NUBPL: variants seen among roughly 807,000 people sequenced by gnomAD.
The protein encoded by NUBPL is iron-sulfur cluster transfer protein NUBPL.
NUBPL carries 31 observed loss-of-function variants against 45.7 expected under a neutral mutation model. The observed-to-expected ratio is 0.68, with a 90% CI of 0.51 to 0.92. The LOEUF (loss-of-function observed/expected upper bound fraction) is 0.92, where lower values mean the gene tolerates loss of function less well. Ranked by LOEUF, NUBPL falls within the 40% of genes least tolerant of loss-of-function variation. The probability of loss-of-function intolerance (pLI) is 0.00; values close to 1 mark genes in which losing one functional copy is unlikely to be tolerated. For missense variants in NUBPL, 401 were observed against 398.7 expected, an observed-to-expected ratio of 1.01 and a Z score of -0.05; for synonymous variants, 144 against 140.9, an observed-to-expected ratio of 1.02 and a Z score of -0.15.
At chr14:31,563,917 T>C (rs981833896) in intron 2 of NUBPL, among the ~76,000 whole-genome samples, 1 of 152,250 alleles carries the variant, frequency 6.6e-6, no homozygotes, top group Non-Finnish European at 1.5e-5. Flanking sequence ...CGTTTAATCC[T>C]GATCACAGTT....
At chr14:31,574,768 A>G (rs1267674601) in intron 3 of NUBPL, among the ~76,000 whole-genome samples, 4 of 148,782 alleles carry the variant, frequency 2.7e-5, no homozygotes, top group Admixed American at 6.7e-5. Context: ...TTTTATTGAG[A>G]TGGGATTTCA....
chr14:31,792,785 G>T (rs2039406752), intron 7 of NUBPL, among the ~76,000 whole-genome samples: 1 of 152,164 alleles, frequency 6.6e-6, no homozygotes, highest in African/African-American at 2.4e-5. Context: ...GTGTCTATGT[G>T]TGTGTTAAAG....
intron 6 of NUBPL, 95 bp downstream of exon 6, chr14:31,673,669 T>C: frequency 9.2e-7 from 1 of 1,086,334 alleles, no homozygotes; most frequent in Non-Finnish European, 1.4e-6. Context: ...CATTCAGGAA[T>C]CAGTTGATGG....
chr14:31,716,132 C>G (rs2037683465), intron 6 of NUBPL, among the ~76,000 whole-genome samples: 1 of 152,160 alleles, frequency 6.6e-6, no homozygotes, highest in Non-Finnish European at 1.5e-5. Context: ...ACTGAAAGGT[C>G]TTCAGGGACA....
rs373778049 is a variant in NUBPL at position 31,846,454 on chromosome 14, G to T, written c.694-17G>T. 1 of 1,601,244 alleles carries T rather than the reference G, an allele frequency of 6.2e-7. No individual in the cohort carries two copies. The highest frequency in any genetic ancestry group is 8.5e-7 in the Non-Finnish European group (1 of 1,171,024). On this transcript the variant is annotated splice_polypyrimidine_tract_variant and intron_variant, in intron 8 of 10. Transcript: ENST00000281081. ...TTGGTTTAATTTTATTTTGATTTCA[G>T]TGTGTTTTTATTCTAGGTCCTTGGC...
intron 7 of NUBPL, among the ~76,000 whole-genome samples, chr14:31,806,778 C>A (rs952830800): frequency 1.3e-5 from 2 of 151,986 alleles, no homozygotes; most frequent in African/African-American, 2.4e-5. Flanking sequence ...CCCATCCCCC[C>A]ACACCACGAC....
intron 6 of NUBPL, among the ~76,000 whole-genome samples, chr14:31,787,476 C>T (rs762539122): frequency 3.3e-5 from 5 of 151,914 alleles, no homozygotes; most frequent in Non-Finnish European, 5.9e-5. Flanking sequence ...TGGGCTACAC[C>T]CAGTAAAAAT....
chr14:31,824,421 A>G (rs547043693), intron 7 of NUBPL, among the ~76,000 whole-genome samples: 7 of 152,322 alleles, frequency 4.6e-5, no homozygotes, highest in East Asian at 3.9e-4. Flanking sequence ...TTACTTAACT[A>G]GGTGTAAACA....
chr14:31,570,963 G>A (rs987674735), intron 3 of NUBPL, among the ~76,000 whole-genome samples: 2 of 152,198 alleles, frequency 1.3e-5, no homozygotes, highest in Non-Finnish European at 2.9e-5. Flanking sequence ...CAGAGTCATA[G>A]CTGGATGCTT....
intron 6 of NUBPL, among the ~76,000 whole-genome samples, chr14:31,709,580 G>A (rs2037525767): frequency 6.6e-6 from 1 of 152,216 alleles, no homozygotes. Flanking sequence ...AAAGGCCAGG[G>A]TTTGATCTAA....
At chr14:31,703,179 G>C (rs1008008143) in intron 6 of NUBPL, 17 of 152,288 alleles carry the variant, frequency 1.1e-4, no homozygotes, top group African/African-American at 4.1e-4. Context: ...ATTTGGAAGA[G>C]AGCCAAGTGA....
At chr14:31,687,268 A>G (rs2036975007) in intron 6 of NUBPL, among the ~76,000 whole-genome samples, 1 of 152,208 alleles carries the variant, frequency 6.6e-6, no homozygotes, top group Non-Finnish European at 1.5e-5. Context: ...ACTTGAAAAA[A>G]CTTGCAGATG....
intron 4 of NUBPL, among the ~76,000 whole-genome samples, chr14:31,664,175 C>T (rs2036346362): frequency 6.6e-6 from 1 of 152,068 alleles, no homozygotes; most frequent in Non-Finnish European, 1.5e-5. Context: ...ACAATCATGT[C>T]ATCTGCAGAG....
At chr14:31,570,772 TCC>T (rs1566419460) in intron 3 of NUBPL, among the ~76,000 whole-genome samples, 1 of 152,214 alleles carries the variant, frequency 6.6e-6, no homozygotes, top group African/African-American at 2.4e-5. Flanking sequence ...GCCTACTCTG[TCC>T]CAAGTGCTGT....
intron 6 of NUBPL, 59 bp downstream of exon 6, chr14:31,673,633 G>T: frequency 7.0e-7 from 1 of 1,424,510 alleles, no homozygotes; most frequent in Non-Finnish European, 9.9e-7. Context: ...TAATACATTT[G>T]CTGATTGGAG....
intron 7 of NUBPL, among the ~76,000 whole-genome samples, chr14:31,813,057 C>T (rs909862061): frequency 2.7e-5 from 4 of 147,726 alleles, no homozygotes; most frequent in Non-Finnish European, 5.9e-5. Context: ...TGGTGTATCT[C>T]GGCTCACTGC....
intron 6 of NUBPL, among the ~76,000 whole-genome samples, chr14:31,717,030 C>A (rs556085390): frequency 4.1e-4 from 62 of 152,296 alleles, no homozygotes; most frequent in African/African-American, 1.5e-3. Flanking sequence ...TCTGACTAAT[C>A]TTACTAAAAT....
At chr14:31,738,400 C>T (rs749604165) in intron 6 of NUBPL, among the ~76,000 whole-genome samples, 1 of 152,188 alleles carries the variant, frequency 6.6e-6, no homozygotes, top group Non-Finnish European at 1.5e-5. Context: ...AAACTAAGCT[C>T]TGTGAACCTA....
At chr14:31,614,935 A>C (rs775609930) in intron 4 of NUBPL, among the ~76,000 whole-genome samples, 2 of 152,150 alleles carry the variant, frequency 1.3e-5, no homozygotes, top group Non-Finnish European at 2.9e-5. Context: ...TCTTGGGCTA[A>C]ACTTTGCAAA....
Sources: gnomAD v4.1 joint callset for allele counts (sites outside exome capture counted in the v4.1 genomes callset) on GRCh38, gnomAD v4.1.1 for gene constraint, MANE v1.5 for transcripts, NCBI Gene and HGNC (gene_info 2026-07-23, HGNC 2026-07-21) for gene names.